The following VIT variants were observed in gnomAD, a reference collection of about 807,000 sequenced individuals.
The protein encoded by VIT is vitrin.
A neutral mutation model predicts 78.0 loss-of-function variants in VIT; 99 were observed. The observed-to-expected ratio is 1.27, with a 90% CI of 1.08 to 1.50. The LOEUF (loss-of-function observed/expected upper bound fraction) is 1.50. VIT is among the 40% of genes most tolerant of loss of function. VIT has a pLI of 0.00. For missense variants in VIT, 1,126 were observed against 875.3 expected (o/e 1.29, Z -3.61); for synonymous variants, 374 against 334.3 (o/e 1.12, Z -1.29).
At chr2:36,797,467 G>A (rs886221868) in intron 12 of VIT, among the ~76,000 whole-genome samples, 1 of 152,198 alleles carries the variant, frequency 6.6e-6, no homozygotes, top group African/African-American at 2.4e-5. Context: ...GGTATTTGAT[G>A]AGGAGAGTGT....
chr2:36,787,845 G>C (rs1369192675), intron 12 of VIT: 1 of 456,074 alleles, frequency 2.2e-6, no homozygotes, highest in Non-Finnish European at 4.4e-6. Flanking sequence ...TGGGTGGGAA[G>C]AGAGACGGCC....
intron 12 of VIT, among the ~76,000 whole-genome samples, chr2:36,794,214 C>T (rs533243749): frequency 1.2e-4 from 19 of 152,296 alleles, no homozygotes; most frequent in Admixed American, 8.5e-4. Flanking sequence ...CCTGTCATTC[C>T]TCTTCATTAA....
At chr2:36,713,165 T>C (rs1385968463) in intron 1 of VIT, among the ~76,000 whole-genome samples, 1 of 152,102 alleles carries the variant, frequency 6.6e-6, no homozygotes, top group African/African-American at 2.4e-5. Context: ...GGAGGAGGAT[T>C]GTGATTTTAA....
Position 36,772,596 on chromosome 2 carries a change from A to T in VIT, c.680-1195A>T, listed in dbSNP as rs569649381. The stretch of plus-strand genomic sequence containing the variant: ...GTGATGTGCACTTGTAGTCTCAGCT[A>T]CTCAGGAGGCTGAGGCAGGAGGATC... On this transcript the variant is annotated intron_variant, in intron 7 of 15. Coordinates refer to ENST00000379242, the MANE Select transcript of VIT (RefSeq NM_053276.4). Among the ~76,000 whole-genome samples the T allele has an allele frequency of 4.0e-5, 6 of 151,744 alleles. No individual in the cohort carries two copies. In the South Asian group the frequency reaches 8.4e-4, roughly 21 times the overall value.
chr2:36,759,869 C>T (rs368292054), intron 6 of VIT, among the ~76,000 whole-genome samples: 12 of 152,242 alleles, frequency 7.9e-5, no homozygotes, highest in East Asian at 1.9e-4. Flanking sequence ...GTTTAATCAC[C>T]GTAGACCACC....
At chr2:36,776,057 G>A (rs4670606) in intron 9 of VIT, among the ~76,000 whole-genome samples, 142,760 of 152,278 alleles carry the variant, frequency 0.94, 67,572 homozygotes, top group East Asian at 1. Context: ...CTTCTCACCT[G>A]AAAATGAATC....
chr2:36,798,050 T>A (rs1187722020), intron 12 of VIT, among the ~76,000 whole-genome samples: 1 of 152,072 alleles, frequency 6.6e-6, no homozygotes, highest in Non-Finnish European at 1.5e-5. Flanking sequence ...ACAGTTCATT[T>A]TGACTAGAAC....
intron 1 of VIT, among the ~76,000 whole-genome samples, chr2:36,710,265 G>A (rs1042166027): frequency 5.3e-5 from 8 of 152,004 alleles, no homozygotes; most frequent in Admixed American, 3.9e-4. Flanking sequence ...TATACGCACA[G>A]GGTAAAGATT....
Position 36,755,011 on chromosome 2 carries a change from A to G in VIT, c.366A>G (p.Gln122=), listed in dbSNP as rs780958785. 111 of 1,614,070 alleles carry G rather than the reference A, an allele frequency of 6.9e-5. No homozygotes were observed. Among genetic ancestry groups the G allele is most frequent in the South Asian group, 2.0e-4 (18 of 91,088 alleles). ...GYKGSYSNGV[Q]SLSLPRWRES... ...AAGGGAGTTATTCCAACGGTGTCCA[A>G]TCGTTATCCCTACCACGATGGAGAG... The change falls in exon 5 of 16, where the codon CAA becomes CAG. Residue 122 remains glutamine, a synonymous_variant. Transcript: ENST00000379242.
intron 1 of VIT, among the ~76,000 whole-genome samples, chr2:36,707,747 G>C (rs1470348271): frequency 6.6e-6 from 1 of 151,864 alleles, no homozygotes; most frequent in Non-Finnish European, 1.5e-5. Context: ...CTGACTCGGA[G>C]TACATCTTCA....
intron 2 of VIT, among the ~76,000 whole-genome samples, chr2:36,719,945 C>T (rs1476849085): frequency 2.0e-5 from 3 of 151,844 alleles, no homozygotes; most frequent in African/African-American, 7.3e-5. Context: ...CTGACTCACA[C>T]ACACACACAA....
intron 4 of VIT, among the ~76,000 whole-genome samples, chr2:36,745,541 T>A (rs1572461515): frequency 6.6e-6 from 1 of 152,164 alleles, no homozygotes; most frequent in South Asian, 2.1e-4. Flanking sequence ...CTCAGTTAGA[T>A]GTATTCCAAA....
intron 7 of VIT, among the ~76,000 whole-genome samples, chr2:36,767,782 T>A (rs1669523331): frequency 6.6e-6 from 1 of 152,244 alleles, no homozygotes; most frequent in East Asian, 1.9e-4. Flanking sequence ...GTTTATGGAC[T>A]TCATCTCGTA....
intron 2 of VIT, among the ~76,000 whole-genome samples, chr2:36,728,351 T>C (rs893200014): frequency 6.6e-6 from 1 of 151,674 alleles, no homozygotes; most frequent in African/African-American, 2.4e-5. Context: ...ATCTCAAAAA[T>C]AGAAAAAAGC....
At chr2:36,805,739 G>C (rs1271242203) in intron 14 of VIT, 75 bp downstream of exon 14, 1 of 1,470,428 alleles carries the variant, frequency 6.8e-7, no homozygotes, top group Admixed American at 1.9e-5. Context: ...CGTTGCAGTG[G>C]TTTTCCCATG....
chr2:36,770,465 T>A (rs1197571029), intron 7 of VIT, among the ~76,000 whole-genome samples: 1 of 152,142 alleles, frequency 6.6e-6, no homozygotes, highest in Non-Finnish European at 1.5e-5. Flanking sequence ...AAGGTGGGGC[T>A]GGACACCAAA....
chr2:36,708,169 A>G (rs1269400217), intron 1 of VIT, among the ~76,000 whole-genome samples: 1 of 143,048 alleles, frequency 7.0e-6, no homozygotes, highest in East Asian at 2.0e-4. Context: ...ATCAACCCAC[A>G]TCCACTGACA....
At position 36,749,015 on chromosome 2, in the gene VIT, C is replaced by T. The variant is rs145023416; in HGVS notation, c.275+5759C>T. On this transcript the variant is annotated intron_variant, in intron 4 of 15. Transcript: ENST00000379242. Reference sequence around the variant, plus strand: ...CGTCGACCTTACTGTGGAGGGATGACTTGGAAGTCATGCATGGTCCTGCAT... The same window carrying T: ...CGTCGACCTTACTGTGGAGGGATGATTTGGAAGTCATGCATGGTCCTGCAT... Among the ~76,000 whole-genome samples, 731 of 152,266 alleles carry T rather than the reference C, an allele frequency of 4.8e-3. 3 individuals carry two copies. The highest frequency in any genetic ancestry group is 9.7e-3 in the Admixed American group (148 of 15,294).
chr2:36,790,509 T>C (rs1665415301), intron 12 of VIT, among the ~76,000 whole-genome samples: 1 of 152,114 alleles, frequency 6.6e-6, no homozygotes, highest in Admixed American at 6.5e-5. Context: ...GACCCATAAC[T>C]CACAATCACG....
Sources: gnomAD v4.1 joint callset for allele counts (sites outside exome capture counted in the v4.1 genomes callset) on GRCh38, gnomAD v4.1.1 for gene constraint, MANE v1.5 for transcripts, NCBI Gene and HGNC (gene_info 2026-07-23, HGNC 2026-07-21) for gene names.